Variants in MITD1 observed in about 807,000 individuals in gnomAD.
MITD1 encodes the protein MIT domain-containing protein 1.
A neutral mutation model predicts 34.9 loss-of-function variants in MITD1; 24 were observed. The ratio of observed to expected loss-of-function variants is 0.69; its 90% CI spans 0.50 to 0.97. The LOEUF is 0.97. MITD1 is among the 50% of genes least tolerant of loss of function. The probability of loss-of-function intolerance (pLI) is 0.00; values close to 1 mark genes in which losing one functional copy is unlikely to be tolerated. For missense variants in MITD1, 266 were observed against 294.6 expected (o/e 0.90, Z 0.71); for synonymous variants, 102 against 101.4 (o/e 1.01, Z -0.04).
At chr2:99,173,695 T>C in intron 2 of MITD1, 1 of 571,188 alleles carries the variant, frequency 1.8e-6, no homozygotes, top group Non-Finnish European at 3.1e-6. Context: ...GGGTGTCTGA[T>C]ATTCCCACCC....
downstream of MITD1, among the ~76,000 whole-genome samples, chr2:99,168,281 A>G (rs2093836141): frequency 6.6e-6 from 1 of 152,194 alleles, no homozygotes; most frequent in Non-Finnish European, 1.5e-5. Context: ...AGCTGGAATT[A>G]CAGGCATGCG....
chr2:99,165,061 C>CACACACACACATAT (rs370053233), downstream of MITD1, among the ~76,000 whole-genome samples: 250 of 135,248 alleles, frequency 1.8e-3, 1 homozygote, highest in East Asian at 4.3e-3. Flanking sequence ...CACACACACA[C>CACACACACACATAT]ATATATATAT....
At chr2:99,173,869 C>G in intron 2 of MITD1, 46 bp downstream of exon 2, 1 of 1,161,368 alleles carries the variant, frequency 8.6e-7, no homozygotes, top group Non-Finnish European at 1.3e-6. Flanking sequence ...GGTGAATGGA[C>G]AGTCACAGTT....
downstream of MITD1, among the ~76,000 whole-genome samples, chr2:99,164,403 G>A (rs1296032909): frequency 6.6e-6 from 1 of 151,880 alleles, no homozygotes; most frequent in East Asian, 1.9e-4. Context: ...GGTCACTACA[G>A]CCTTGAACTG....
chr2:99,165,058 A>ACG (rs920146647), downstream of MITD1, among the ~76,000 whole-genome samples: 3 of 139,680 alleles, frequency 2.1e-5, no homozygotes, highest in Non-Finnish European at 4.8e-5. Flanking sequence ...ACACACACAC[A>ACG]CACATATATA....
chr2:99,181,004 C>A lies in MITD1; in HGVS notation c.-23G>T. 1 of 1,608,770 alleles carries A rather than the reference C, an allele frequency of 6.2e-7. No homozygotes were observed. Among genetic ancestry groups the A allele is most frequent in the Non-Finnish European group, 8.5e-7 (1 of 1,177,214 alleles). On this transcript the variant is annotated 5_prime_UTR_variant, in exon 1 of 7. The change creates a new upstream start codon in the 5' untranslated region. Coordinates refer to ENST00000289359, the MANE Select transcript of MITD1 (RefSeq NM_138798.3). ...CATAATTCTGGAAGTTCTCCTCCGC[C>A]TCAACCCAGGATGAAGTTGAGCGGG... is the stretch of plus-strand genomic sequence containing the variant.
intron 7 of MITD1, chr2:99,162,420 T>G (rs748655183): frequency 1.4e-5 from 23 of 1,613,918 alleles, no homozygotes; most frequent in Non-Finnish European, 1.9e-5. Context: ...ATTTGACCTT[T>G]TACTTGATGG....
downstream of MITD1, among the ~76,000 whole-genome samples, chr2:99,164,596 T>A (rs555250148): frequency 6.6e-6 from 1 of 152,310 alleles, no homozygotes; most frequent in Admixed American, 6.5e-5. Flanking sequence ...CTACAATTGA[T>A]TATCTCAGAC....
At chr2:99,163,366 C>G (rs535635072) in intron 7 of MITD1, among the ~76,000 whole-genome samples, 70 of 152,086 alleles carry the variant, frequency 4.6e-4, no homozygotes, top group Non-Finnish European at 8.8e-4. Context: ...GACTCACTCT[C>G]ACCCAGGCTG....
chr2:99,162,659 G>A (rs745982392), intron 7 of MITD1: 3 of 1,614,032 alleles, frequency 1.9e-6, no homozygotes, highest in African/African-American at 1.3e-5. Flanking sequence ...TTGCTACAGA[G>A]TATGCTGCTT....
chr2:99,162,329 T>C (rs776772983), intron 7 of MITD1: 2 of 1,613,514 alleles, frequency 1.2e-6, no homozygotes, highest in Admixed American at 1.7e-5. Context: ...AAAAAAAGTA[T>C]GATAGAATGG....
Position 99,169,287 on chromosome 2 carries a change from G to T in MITD1, c.*88C>A. Reference sequence around the variant, plus strand: ...ATTAGTAGAAATATAAAAGTTTATTGTTAAATTCATACATTATAAAAGTGA... The same window carrying T: ...ATTAGTAGAAATATAAAAGTTTATTTTTAAATTCATACATTATAAAAGTGA... On this transcript the variant is annotated 3_prime_UTR_variant, in exon 7 of 7. Transcript: ENST00000289359. 1 of 637,590 alleles carries T rather than the reference G, an allele frequency of 1.6e-6. No individual in the cohort carries two copies. The highest frequency in any genetic ancestry group is 2.7e-6 in the Non-Finnish European group (1 of 370,520). 39.5% of individuals were successfully genotyped at this position (637,590 alleles called of 1,614,324 possible).
At chr2:99,167,460 G>C (rs960590573), downstream of MITD1, among the ~76,000 whole-genome samples, 5 of 152,156 alleles carry the variant, frequency 3.3e-5, no homozygotes, top group African/African-American at 4.8e-5. Flanking sequence ...ATCTAGAATG[G>C]ATAGCATGTC....
chr2:99,176,745 C>T (rs1052510559), intron 1 of MITD1, among the ~76,000 whole-genome samples: 1 of 152,072 alleles, frequency 6.6e-6, no homozygotes, highest in South Asian at 2.1e-4. Flanking sequence ...TTACATGTAA[C>T]CCAAGACAAT....
intron 7 of MITD1, chr2:99,162,438 A>C (rs1172991264): frequency 6.2e-7 from 1 of 1,614,024 alleles, no homozygotes; most frequent in Non-Finnish European, 8.5e-7. Context: ...TGGACAGTTT[A>C]AAATCTCAGG....
At chr2:99,166,125 C>G (rs1381534724), downstream of MITD1, among the ~76,000 whole-genome samples, 4 of 151,074 alleles carry the variant, frequency 2.6e-5, no homozygotes, top group Non-Finnish European at 5.9e-5. Context: ...CAGGTAGGAG[C>G]AGTTTTTGTT....
At chr2:99,163,189 AAAC>A (rs1291827732) in intron 7 of MITD1, 899 of 574,946 alleles carry the variant, frequency 1.6e-3, no homozygotes, top group East Asian at 3.5e-3. Context: ...CAAAAAAAAA[AAAC>A]AAAACACAAC....
downstream of MITD1, among the ~76,000 whole-genome samples, chr2:99,166,711 C>T (rs1400651239): frequency 6.6e-6 from 1 of 151,434 alleles, no homozygotes; most frequent in Non-Finnish European, 1.5e-5. Context: ...GGAATACTGA[C>T]TCTAATTTTA....
chr2:99,164,251 C>G (rs1260173081), intron 7 of MITD1, among the ~76,000 whole-genome samples: 1 of 152,132 alleles, frequency 6.6e-6, no homozygotes, highest in Non-Finnish European at 1.5e-5. Flanking sequence ...AACCTTGATT[C>G]ATAATTTGGT....
Sources: allele counts gnomAD v4.1 joint callset (sites outside exome capture counted in the v4.1 genomes callset), GRCh38; gene constraint gnomAD v4.1.1; transcripts MANE v1.5; gene names NCBI Gene and HGNC (gene_info 2026-07-23, HGNC 2026-07-21).